CRY2: variants seen among roughly 807,000 people sequenced by gnomAD.
CRY2 encodes the protein cryptochrome circadian regulator 2.
CRY2 carries 31 observed loss-of-function variants against 69.5 expected under a neutral mutation model. The observed-to-expected ratio is 0.45, with a 90% CI of 0.34 to 0.60. The LOEUF is 0.60. Among genes scored for constraint, CRY2 ranks in the 20% least tolerant of loss-of-function variants. CRY2 has a pLI of 0.02. For missense variants in CRY2, 606 were observed against 797.8 expected, an observed-to-expected ratio of 0.76 and a Z score of 2.90; for synonymous variants, 303 against 312.2, an observed-to-expected ratio of 0.97 and a Z score of 0.31.
At chr11:45,872,898 G>A (rs2086397758) in intron 11 of CRY2, among the ~76,000 whole-genome samples, 1 of 152,214 alleles carries the variant, frequency 6.6e-6, no homozygotes, top group African/African-American at 2.4e-5. Flanking sequence ...CCAGCCAGTG[G>A]AGGGCAGCAC....
At chr11:45,854,089 G>T (rs571934313) in intron 1 of CRY2, among the ~76,000 whole-genome samples, 1 of 152,242 alleles carries the variant, frequency 6.6e-6, no homozygotes, top group Non-Finnish European at 1.5e-5. Flanking sequence ...TTGGCAGCCT[G>T]GGAATAGTCA....
At chr11:45,861,598 C>G (rs1477517965) in intron 4 of CRY2, 1 of 177,556 alleles carries the variant, frequency 5.6e-6, no homozygotes, top group African/African-American at 2.4e-5. Flanking sequence ...CCTGCCATCA[C>G]GCCCAGCTAA....
chr11:45,854,993 C>G (rs1460885651), intron 1 of CRY2, among the ~76,000 whole-genome samples: 1 of 152,200 alleles, frequency 6.6e-6, no homozygotes, highest in Non-Finnish European at 1.5e-5. Flanking sequence ...CTATGTACCA[C>G]TTTGTCACTG....
chr11:45,861,154 A>G, intron 4 of CRY2, 122 bp downstream of exon 4: 9 of 1,124,236 alleles, frequency 8.0e-6, no homozygotes, highest in Non-Finnish European at 1.1e-5. Flanking sequence ...AAAAATGGAA[A>G]TGGCAGTCAC....
chr11:45,847,279 A>T (rs770082399), upstream of CRY2: 2 of 1,544,076 alleles, frequency 1.3e-6, no homozygotes, highest in South Asian at 1.2e-5. Flanking sequence ...GGACCCACAC[A>T]TGGTAGGAAC....
At chr11:45,847,400 T>G, upstream of CRY2, 1 of 1,592,078 alleles carries the variant, frequency 6.3e-7, no homozygotes, top group Non-Finnish European at 8.5e-7. Flanking sequence ...AGGGTGGAGT[T>G]GCGGCGTCAT....
At position 45,869,356 on chromosome 11, in the gene CRY2, G is replaced by A. The variant is rs1034904055; in HGVS notation, c.883-150G>A. ...TGGGTGTTTCACATGCAGGCATGCT[G>A]TGCCACTTCTAGGGGATAGTCCCTC... On this transcript the variant is annotated intron_variant, in intron 6 of 11. Transcript: ENST00000616080. 39 of 781,844 alleles carry A rather than the reference G, an allele frequency of 5.0e-5. No individual in the cohort carries two copies. The East Asian group carries it at 9.2e-4, about 18-fold the overall frequency. The allele number at this position is 781,844 out of a possible 1,614,324, so 48.4% of individuals were successfully genotyped here.
At position 45,869,946 on chromosome 11, in the gene CRY2, G is replaced by A. The variant is rs1310910495; in HGVS notation, c.1195-107G>A. 3.3e-6 allele frequency: 5 copies of A among 1,515,164 alleles called. No individual in the cohort carries two copies. The East Asian group carries it at 1.1e-4, about 34-fold the overall frequency. The allele number at this position is 1,515,164 out of a possible 1,614,324, so 93.9% of individuals were successfully genotyped here. ...GGAGATCCCCTCCAGATCCTCTGTG[G>A]CTTGCCTTCAATGGAAGGGTTTTGG... is the stretch of plus-strand genomic sequence containing the variant. On this transcript the variant is annotated intron_variant, in intron 7 of 11. Coordinates refer to ENST00000616080, the MANE Select transcript of CRY2 (RefSeq NM_021117.5).
At position 45,872,206 on chromosome 11, in the gene CRY2, C is replaced by T. The variant is rs371155408; in HGVS notation, c.1757C>T (p.Pro586Leu). ...GCCCGGGTGGCAGAGTTGCCAACCC[C>T]AGAGCTGCCGAGCAAGGATGCCTGA... ...KRARVAELPT[P>L]ELPSKDA The change falls in exon 11 of 12, where the codon CCA (proline) becomes CTA (leucine). Residue 586 changes from proline to leucine, a missense_variant. Physicochemically the swap from Pro to Leu is moderately conservative, Grantham distance 98. Coordinates refer to ENST00000616080, the MANE Select transcript of CRY2 (RefSeq NM_021117.5). The T allele has an allele frequency of 1.7e-5, 28 of 1,613,964 alleles. No individual in the cohort carries two copies. In the South Asian group the frequency reaches 3.1e-4, roughly 18 times the overall value.
chr11:45,861,208 G>A (rs2134636507), intron 4 of CRY2, 176 bp downstream of exon 4: 1 of 651,114 alleles, frequency 1.5e-6, no homozygotes, highest in Non-Finnish European at 2.6e-6. Context: ...ATTTTAAACT[G>A]TGTCCTTCTA....
rs144442637 is a variant in CRY2 at position 45,870,354 on chromosome 11, G to A, written c.1371G>A (p.Ala457=). Residue 457 remains alanine, a synonymous_variant, in exon 9 of 12, where the codon GCG becomes GCA. Transcript: ENST00000616080. The part of the protein sequence containing the change: ...YIRRYLPKLK[A]FPSRYIYEPW... ...GGCGATACCTGCCCAAATTGAAAGC[G>A]TTCCCCTCTCGATACATCTATGAGC... 77 of 1,614,184 alleles carry A rather than the reference G, an allele frequency of 4.8e-5. No individual in the cohort carries two copies. The African/African-American group carries it at 5.6e-4, about 12-fold the overall frequency.
intron 5 of CRY2, among the ~76,000 whole-genome samples, chr11:45,864,663 T>C (rs1197619083): frequency 1.3e-5 from 2 of 151,592 alleles, no homozygotes; most frequent in Non-Finnish European, 2.9e-5. Context: ...AAGTCAGGAG[T>C]TCGAGACCAG....
intron 5 of CRY2, among the ~76,000 whole-genome samples, chr11:45,865,744 C>CA (rs200501896): frequency 0.027 from 4,051 of 151,762 alleles, 72 homozygotes; most frequent in South Asian, 0.041. Context: ...GACCCTGTCT[C>CA]AAAAAAAAGG....
At chr11:45,863,471 G>A (rs969671211) in intron 5 of CRY2, among the ~76,000 whole-genome samples, 1 of 151,916 alleles carries the variant, frequency 6.6e-6, no homozygotes, top group Non-Finnish European at 1.5e-5. Context: ...ACTCAGTGGT[G>A]CCCAGAGGAA....
chr11:45,867,236 T>C (rs2086338286), intron 5 of CRY2, among the ~76,000 whole-genome samples: 2 of 152,244 alleles, frequency 1.3e-5, no homozygotes. Context: ...GATATTCTTT[T>C]CTGTAACATA....
intron 11 of CRY2, 112 bp from the exon 12 acceptor site, chr11:45,880,802 C>T (rs546358699): frequency 1.6e-4 from 25 of 152,456 alleles, no homozygotes; most frequent in African/African-American, 6.0e-4. Flanking sequence ...TCTTTCAGCT[C>T]TTCTCAGGTC....
chr11:45,872,538 C>T (rs1246524392), intron 11 of CRY2, among the ~76,000 whole-genome samples: 4 of 152,036 alleles, frequency 2.6e-5, no homozygotes, highest in Non-Finnish European at 5.9e-5. Context: ...GCCAGGAGTA[C>T]AAGACCAACC....
chr11:45,854,257 TGAA>T (rs1401077013), intron 1 of CRY2, among the ~76,000 whole-genome samples: 3 of 152,186 alleles, frequency 2.0e-5, no homozygotes, highest in Non-Finnish European at 4.4e-5. Flanking sequence ...TGTGGGTTCT[TGAA>T]GAAGAAGATA....
chr11:45,847,562 G>C lies in CRY2; in HGVS notation c.72G>C (p.Ser24=). Residue 24 remains serine, a synonymous_variant, in exon 1 of 12, where the codon TCG becomes TCC. Transcript: ENST00000616080. The part of the protein sequence containing the change: ...APAPGTDSAS[S]VHWFRKGLRL... The stretch of plus-strand genomic sequence containing the variant: ...CGCCCGGCACGGACAGCGCCTCTTC[G>C]GTGCACTGGTTCCGCAAAGGGCTGC... 1 of 1,596,908 alleles carries C rather than the reference G, an allele frequency of 6.3e-7. No individual in the cohort carries two copies. Among genetic ancestry groups the C allele is most frequent in the Non-Finnish European group, 8.5e-7 (1 of 1,174,452 alleles).
Sources: allele counts gnomAD v4.1 joint callset (sites outside exome capture counted in the v4.1 genomes callset), GRCh38; gene constraint gnomAD v4.1.1; transcripts MANE v1.5; gene names NCBI Gene and HGNC (gene_info 2026-07-23, HGNC 2026-07-21).